Variants in SCLT1 observed in about 807,000 individuals in gnomAD.
The protein encoded by SCLT1 is sodium channel and clathrin linker 1, also known as sodium channel-associated protein 1.
A neutral mutation model predicts 112.8 loss-of-function variants in SCLT1; 78 were observed. The observed-to-expected ratio is 0.69, with a 90% CI of 0.58 to 0.83. The LOEUF is 0.83. Among genes scored for constraint, SCLT1 ranks in the 40% least tolerant of loss-of-function variants. The pLI, the probability that SCLT1 is intolerant of heterozygous loss-of-function variation, is 0.00. For missense variants in SCLT1, 747 were observed against 770.4 expected, an observed-to-expected ratio of 0.97 and a Z score of 0.36; for synonymous variants, 257 against 254.7, an observed-to-expected ratio of 1.01 and a Z score of -0.09.
intron 5 of SCLT1, chr4:129,037,558 T>TAGGGATGGTGGTAGCACC (rs557558171): frequency 2.0e-5 from 3 of 152,298 alleles, no homozygotes; most frequent in African/African-American, 4.8e-5. Context: ...ATGGTAGTAA[T>TAGGGATGGTGGTAGCACC]AGGGATGGTG....
At chr4:128,952,444 T>TTA in intron 14 of SCLT1, 1 of 481,810 alleles carries the variant, frequency 2.1e-6, no homozygotes, top group Admixed American at 2.3e-5. Context: ...CTTCCCACTG[T>TTA]TATATATACT....
intron 14 of SCLT1, among the ~76,000 whole-genome samples, chr4:128,949,027 ATTT>A (rs1738454909): frequency 6.6e-6 from 1 of 152,150 alleles, no homozygotes; most frequent in South Asian, 2.1e-4. Flanking sequence ...TACTAAAAAT[ATTT>A]TATTAGCATG....
chr4:129,055,813 T>C (rs1413105973), intron 2 of SCLT1, among the ~76,000 whole-genome samples: 1 of 146,910 alleles, frequency 6.8e-6, no homozygotes, highest in African/African-American at 2.5e-5. Context: ...CAGGCGCCAC[T>C]GGCATAAAAA....
intron 7 of SCLT1, 83 bp from the exon 8 acceptor site, chr4:128,998,022 T>C: frequency 1.8e-6 from 1 of 555,952 alleles, no homozygotes; most frequent in Non-Finnish European, 3.0e-6. Context: ...AAATCAAGTC[T>C]AAAATCATTA....
Position 129,039,115 on chromosome 4 carries a change from G to T in SCLT1, c.235-19C>A, listed in dbSNP as rs1423101788. 1.9e-6 allele frequency: 3 copies of T among 1,565,816 alleles called. No homozygotes were observed. Among genetic ancestry groups the T allele is most frequent in the Non-Finnish European group, 2.6e-6 (3 of 1,137,282 alleles). ...CCTGTTTCTGAAAGAATAAAATATG[G>T]TGTGGCAATACATTTTGCAGACAAT... On this transcript the variant is annotated intron_variant, in intron 4 of 20. Transcript: ENST00000281142.
intron 3 of SCLT1, among the ~76,000 whole-genome samples, chr4:128,878,296 C>T (rs1391091685): frequency 1.3e-5 from 2 of 152,050 alleles, no homozygotes; most frequent in African/African-American, 4.8e-5. Flanking sequence ...TATATATGGC[C>T]GAGTTTTACA....
chr4:128,944,353 A>G (rs993827248), intron 16 of SCLT1, among the ~76,000 whole-genome samples: 3 of 152,108 alleles, frequency 2.0e-5, no homozygotes, highest in South Asian at 2.1e-4. Context: ...GACGTCCACA[A>G]TATCATCATC....
intron 17 of SCLT1, among the ~76,000 whole-genome samples, chr4:128,940,327 T>C (rs1006453035): frequency 1.3e-5 from 2 of 151,712 alleles, no homozygotes; most frequent in African/African-American, 4.8e-5. Context: ...ACAAAACAAA[T>C]ATATATTATA....
At chr4:128,933,990 A>G (rs1736983987) in intron 18 of SCLT1, among the ~76,000 whole-genome samples, 1 of 152,018 alleles carries the variant, frequency 6.6e-6, no homozygotes, top group Non-Finnish European at 1.5e-5. Context: ...TAATTCATCT[A>G]TGTAGTTAAG....
intron 9 of SCLT1, among the ~76,000 whole-genome samples, chr4:128,976,343 C>G (rs1741175577): frequency 6.6e-6 from 1 of 152,154 alleles, no homozygotes; most frequent in Non-Finnish European, 1.5e-5. Context: ...TGACAATTTA[C>G]TCTTTTGTAA....
At chr4:129,089,406 C>T (rs907327906) in intron 1 of SCLT1, among the ~76,000 whole-genome samples, 1 of 152,188 alleles carries the variant, frequency 6.6e-6, no homozygotes, top group Admixed American at 6.5e-5. Flanking sequence ...TGCTTTTACA[C>T]CGTTGGTGGG....
At chr4:129,008,613 T>G (rs1313211667) in intron 5 of SCLT1, among the ~76,000 whole-genome samples, 1 of 152,234 alleles carries the variant, frequency 6.6e-6, no homozygotes, top group Non-Finnish European at 1.5e-5. Context: ...TTTAGTTCTT[T>G]TCACTACCAC....
Position 129,092,121 on chromosome 4 carries a change from A to C in SCLT1, c.34+949T>G, listed in dbSNP as rs115744453. Among the ~76,000 whole-genome samples the C allele has an allele frequency of 5.6e-3, 845 of 152,246 alleles. 8 individuals carry two copies. Among genetic ancestry groups the C allele is most frequent in the African/African-American group, 0.019 (796 of 41,530 alleles). On this transcript the variant is annotated intron_variant, in intron 1 of 20. Transcript: ENST00000281142. ...CGTAAAAATCAGACCGGGCCTTCTA[A>C]ACTACAATTTGATCATGCCACTCTC... is the stretch of plus-strand genomic sequence containing the variant.
At chr4:129,088,618 G>A (rs1020689411) in intron 1 of SCLT1, among the ~76,000 whole-genome samples, 1 of 152,180 alleles carries the variant, frequency 6.6e-6, no homozygotes, top group South Asian at 2.1e-4. Context: ...ACTACTGACA[G>A]ACTCTACAAA....
intron 2 of SCLT1, among the ~76,000 whole-genome samples, chr4:129,072,166 G>A (rs1352182600): frequency 6.6e-6 from 1 of 152,044 alleles, no homozygotes; most frequent in East Asian, 1.9e-4. Context: ...CTTGTCTACT[G>A]AGAGATCTGC....
At chr4:128,986,812 G>T (rs1742133617) in intron 9 of SCLT1, among the ~76,000 whole-genome samples, 1 of 152,172 alleles carries the variant, frequency 6.6e-6, no homozygotes, top group Non-Finnish European at 1.5e-5. Flanking sequence ...TCAGGCAGTG[G>T]TGGCTGCAGG....
At chr4:128,893,792 C>T (rs532554555) in intron 18 of SCLT1, among the ~76,000 whole-genome samples, 20 of 152,356 alleles carry the variant, frequency 1.3e-4, no homozygotes, top group Admixed American at 2.6e-4. Context: ...CCGCCCTCCT[C>T]GGCCTCCCAA....
At chr4:128,977,955 T>C (rs1184430190) in intron 9 of SCLT1, among the ~76,000 whole-genome samples, 1 of 151,868 alleles carries the variant, frequency 6.6e-6, no homozygotes, top group African/African-American at 2.4e-5. Context: ...AAACAAGAGA[T>C]GGTGGGGTAG....
chr4:129,055,818 T>TA (rs56689003), intron 2 of SCLT1, among the ~76,000 whole-genome samples: 1,445 of 132,186 alleles, frequency 0.011, 21 homozygotes, highest in African/African-American at 0.024. Flanking sequence ...GCCACTGGCA[T>TA]AAAAAAAAAA....
Sources: gnomAD v4.1 joint callset for allele counts (sites outside exome capture counted in the v4.1 genomes callset) on GRCh38, gnomAD v4.1.1 for gene constraint, MANE v1.5 for transcripts, NCBI Gene and HGNC (gene_info 2026-07-23, HGNC 2026-07-21) for gene names.